Variants in ERAP1 observed in about 807,000 individuals in gnomAD.
ERAP1 encodes the protein adipocyte-derived leucine aminopeptidase.
Under a neutral mutation model 103.7 loss-of-function variants are expected in ERAP1, and 86 were observed. The ratio of observed to expected loss-of-function variants is 0.83; its 90% CI spans 0.70 to 0.99. The LOEUF is 0.99. Among genes scored for constraint, ERAP1 ranks in the 50% least tolerant of loss-of-function variants. The probability of loss-of-function intolerance (pLI) is 0.00; values close to 1 mark genes in which losing one functional copy is unlikely to be tolerated. For synonymous variants in ERAP1, 398 were observed against 402.4 expected (o/e 0.99, Z 0.13); for missense variants, 1,009 against 1,128.4 (o/e 0.89, Z 1.52).
At chr5:96,855,016 C>T in the ERAP1 span, among the ~76,000 whole-genome samples, 73 of 152,266 alleles carry the variant, frequency 4.8e-4, no homozygotes, top group Admixed American at 4.5e-3. Context: ...AAATGAAAGG[C>T]ATTTCTGCAG....
the ERAP1 span, among the ~76,000 whole-genome samples, chr5:96,905,922 A>T: frequency 2.7e-5 from 4 of 148,802 alleles, no homozygotes; most frequent in African/African-American, 9.9e-5. Flanking sequence ...TAGTTTGGAG[A>T]GATAATTTTT....
chr5:96,804,130 G>A (rs1283685971), intron 1 of ERAP1, among the ~76,000 whole-genome samples, 187 bp from the exon 2 acceptor site: 2 of 152,186 alleles, frequency 1.3e-5, no homozygotes, highest in Non-Finnish European at 2.9e-5. Context: ...GATGTTTACA[G>A]TTAGCAACAA....
At chr5:96,921,106 C>T in the ERAP1 span, among the ~76,000 whole-genome samples, 4 of 152,306 alleles carry the variant, frequency 2.6e-5, no homozygotes, top group East Asian at 1.9e-4. Context: ...TTTTATTATG[C>T]TCCCTAACTT....
the ERAP1 span, among the ~76,000 whole-genome samples, chr5:96,839,145 C>T: frequency 6.6e-6 from 1 of 152,202 alleles, no homozygotes; most frequent in Admixed American, 6.5e-5. Flanking sequence ...CTGGGACATC[C>T]CAAACTCGAA....
At chr5:96,769,815 T>G (rs1409095859), downstream of ERAP1, 1 of 150,698 alleles carries the variant, frequency 6.6e-6, no homozygotes, top group East Asian at 1.9e-4. Flanking sequence ...ATTCTACATA[T>G]AAGTGAAATC....
chr5:96,842,254 G>A, the ERAP1 span, among the ~76,000 whole-genome samples: 1 of 152,162 alleles, frequency 6.6e-6, no homozygotes, highest in African/African-American at 2.4e-5. Flanking sequence ...AAACGTGTGT[G>A]CAAGTGTCTT....
At chr5:96,848,656 AG>A in the ERAP1 span, 1 of 152,222 alleles carries the variant, frequency 6.6e-6, no homozygotes, top group Non-Finnish European at 1.5e-5. Context: ...TTCCCATCAA[AG>A]AAAGACCTAG....
chr5:96,886,936 C>G, the ERAP1 span: 52 of 689,710 alleles, frequency 7.5e-5, no homozygotes, highest in Non-Finnish European at 1.0e-4. Flanking sequence ...AAAAATTATC[C>G]ATAGTCCTGT....
chr5:96,807,806 C>T, intron 1 of ERAP1, 54 bp downstream of exon 1: 1 of 981,922 alleles, frequency 1.0e-6, no homozygotes, highest in Non-Finnish European at 1.2e-6. Context: ...GGGGCGGGTG[C>T]CGCGCTCTCC....
the ERAP1 span, among the ~76,000 whole-genome samples, chr5:96,825,911 T>C: frequency 6.6e-6 from 1 of 152,196 alleles, no homozygotes; most frequent in Admixed American, 6.5e-5. Context: ...TTAGCTAAAG[T>C]TTATCTGGTC....
chr5:96,856,349 A>AATATATATATATATATATAT, the ERAP1 span, among the ~76,000 whole-genome samples: 47 of 8,522 alleles, frequency 5.5e-3, 1 homozygote, highest in Non-Finnish European at 7.5e-3. Flanking sequence ...AAAAAAAAAA[A>AATATATATATATATATATAT]ATATATATAT....
chr5:96,852,914 A>G, the ERAP1 span, among the ~76,000 whole-genome samples: 5 of 152,184 alleles, frequency 3.3e-5, no homozygotes, highest in African/African-American at 7.2e-5. Context: ...AAATTAACTT[A>G]TGATTCATCC....
chr5:96,847,247 CAA>C, the ERAP1 span, among the ~76,000 whole-genome samples: 202 of 85,010 alleles, frequency 2.4e-3, 1 homozygote, highest in African/African-American at 9.2e-3. Context: ...GACTCCATCT[CAA>C]AAAAAAAAAA....
the ERAP1 span, chr5:96,918,886 C>T: frequency 2.0e-5 from 3 of 152,176 alleles, no homozygotes; most frequent in African/African-American, 7.2e-5. Flanking sequence ...AGGAAACCCC[C>T]CACCTCCTTC....
intron 11 of ERAP1, among the ~76,000 whole-genome samples, chr5:96,787,176 G>T (rs1438837698): frequency 6.6e-6 from 1 of 151,922 alleles, no homozygotes; most frequent in African/African-American, 2.4e-5. Flanking sequence ...AAGTTGAATG[G>T]GATTTATAGA....
exon 20 of ERAP1, chr5:96,761,651 G>T (rs1446547286): frequency 6.6e-6 from 1 of 152,032 alleles, no homozygotes. Context: ...GGGAGTATTT[G>T]AAATGAAGCA....
the ERAP1 span, among the ~76,000 whole-genome samples, chr5:96,865,968 A>C: frequency 3.9e-5 from 6 of 152,338 alleles, no homozygotes; most frequent in South Asian, 1.2e-3. Context: ...TACTCTACGC[A>C]TGTATGTTCT....
the ERAP1 span, among the ~76,000 whole-genome samples, chr5:96,905,756 C>T: frequency 2.6e-5 from 4 of 151,972 alleles, no homozygotes; most frequent in East Asian, 1.9e-4. Flanking sequence ...TGGTGGTGTA[C>T]GCCTGTAATC....
intron 9 of ERAP1, 23 bp downstream of exon 9, chr5:96,790,489 G>A: frequency 6.2e-7 from 1 of 1,613,540 alleles, no homozygotes; most frequent in Non-Finnish European, 8.5e-7. Context: ...CCCAAATGCA[G>A]AGATATTCAA....
Sources: allele counts gnomAD v4.1 joint callset (sites outside exome capture counted in the v4.1 genomes callset), GRCh38; gene constraint gnomAD v4.1.1; transcripts MANE v1.5; gene names NCBI Gene and HGNC (gene_info 2026-07-23, HGNC 2026-07-21).